The following SMYD3 variants were observed in gnomAD, a reference collection of about 807,000 sequenced individuals.
SMYD3 encodes the protein SET and MYND domain containing 3, also known as histone-lysine N-methyltransferase SMYD3.
SMYD3 carries 36 observed loss-of-function variants against 57.7 expected under a neutral mutation model. That is an observed-to-expected ratio of 0.62 (90% confidence interval 0.48 to 0.82). The LOEUF (loss-of-function observed/expected upper bound fraction) is 0.82, where lower values mean the gene tolerates loss of function less well. SMYD3 is among the 40% of genes least tolerant of loss of function. The pLI is 0.00. For missense variants in SMYD3, 515 were observed against 538.8 expected (o/e 0.96, Z 0.44); for synonymous variants, 211 against 195.0 (o/e 1.08, Z -0.68).
intron 1 of SMYD3, among the ~76,000 whole-genome samples, chr1:246,357,245 T>C (rs1401393551): frequency 6.6e-6 from 1 of 152,166 alleles, no homozygotes; most frequent in Non-Finnish European, 1.5e-5. Flanking sequence ...AGGTCATAAG[T>C]ACCCTGCTGA....
rs546564307 is a variant in SMYD3, at chr1:246,358,392, A to C, written c.165-3298T>G. Among the ~76,000 whole-genome samples, 3 of 152,316 alleles carry C rather than the reference A, an allele frequency of 2.0e-5. No individual in the cohort carries two copies. The South Asian group carries it at 6.2e-4, about 32-fold the overall frequency. ...GGGATTTTATTATTCCACTGTCAGCACTAGATAGGTCATCAAGACAGAAAG... is the reference window on the plus strand; with the variant it reads ...GGGATTTTATTATTCCACTGTCAGCCCTAGATAGGTCATCAAGACAGAAAG... On this transcript the variant is annotated intron_variant, in intron 1 of 11. Transcript: ENST00000490107.
intron 5 of SMYD3, among the ~76,000 whole-genome samples, chr1:245,964,062 T>C (rs1208252582): frequency 6.6e-6 from 1 of 152,192 alleles, no homozygotes; most frequent in Non-Finnish European, 1.5e-5. Context: ...TGTAGGCGTC[T>C]GCTTCTGATG....
At chr1:246,314,720 G>A (rs959637345) in intron 5 of SMYD3, among the ~76,000 whole-genome samples, 1 of 152,212 alleles carries the variant, frequency 6.6e-6, no homozygotes, top group East Asian at 1.9e-4. Flanking sequence ...TGAGTTATCT[G>A]AAGGGAAGGC....
At chr1:245,763,933 T>C (rs1303730165) in intron 11 of SMYD3, 108 bp downstream of exon 11, 1 of 787,146 alleles carries the variant, frequency 1.3e-6, no homozygotes, top group Middle Eastern at 2.3e-4. Context: ...GGCATGCGTG[T>C]GTATGCGTGC....
At position 246,086,361 on chromosome 1, in the gene SMYD3, C is replaced by A. The variant is rs118045381; in HGVS notation, c.532-156424G>T. ...ACTGGTGTGACAGTTTTTGCGCCTG[C>A]CTAATAAATGTTTGTATCTGTGCAT... On this transcript the variant is annotated intron_variant, in intron 5 of 11. Coordinates refer to ENST00000490107, the MANE Select transcript of SMYD3 (RefSeq NM_001167740.2). Among the ~76,000 whole-genome samples, 717 of 152,182 alleles carry A rather than the reference C, an allele frequency of 4.7e-3. 13 individuals are homozygous for A. The East Asian group carries it at 0.052, about 11-fold the overall frequency.
intron 1 of SMYD3, among the ~76,000 whole-genome samples, chr1:246,506,795 A>G (rs1342435255): frequency 6.6e-6 from 1 of 151,452 alleles, no homozygotes. Flanking sequence ...TCCCATTTCC[A>G]CCGCAGCCCA....
intron 1 of SMYD3, among the ~76,000 whole-genome samples, chr1:246,373,012 G>T (rs1217699818): frequency 1.3e-5 from 2 of 151,584 alleles, no homozygotes; most frequent in African/African-American, 4.9e-5. Context: ...ACCCCTAAAG[G>T]TATTCTAATC....
chr1:246,502,210 C>T (rs1477718274), intron 1 of SMYD3, among the ~76,000 whole-genome samples: 1 of 151,902 alleles, frequency 6.6e-6, no homozygotes. Flanking sequence ...GTGATCACCA[C>T]TCACTGCAAC....
chr1:245,850,038 A>G (rs528253965), intron 10 of SMYD3, among the ~76,000 whole-genome samples: 31 of 152,058 alleles, frequency 2.0e-4, no homozygotes, highest in Non-Finnish European at 3.8e-4. Flanking sequence ...ATGGGTAGGA[A>G]TTATGTATAA....
intron 1 of SMYD3, among the ~76,000 whole-genome samples, chr1:246,374,373 A>G (rs1190135052): frequency 6.6e-6 from 1 of 152,196 alleles, no homozygotes; most frequent in African/African-American, 2.4e-5. Flanking sequence ...AAGGCCAAAA[A>G]TGTGTGTCGC....
At position 246,211,311 on chromosome 1, in the gene SMYD3, G is replaced by A. The variant is rs1323533639; in HGVS notation, c.531+115890C>T. 3.9e-5 allele frequency among the ~76,000 whole-genome samples: 6 copies of A among 152,206 alleles called. No individual in the cohort carries two copies. The East Asian group carries it at 7.7e-4, about 20-fold the overall frequency. On this transcript the variant is annotated intron_variant, in intron 5 of 11. Coordinates refer to ENST00000490107, the MANE Select transcript of SMYD3 (RefSeq NM_001167740.2). The stretch of plus-strand genomic sequence containing the variant: ...TGCTACCTCATGGGATATGAAAGTC[G>A]TTAGCATGAATTATCATTCTAAATG...
chr1:245,914,754 T>C (rs1046456831), intron 8 of SMYD3, among the ~76,000 whole-genome samples: 1 of 152,194 alleles, frequency 6.6e-6, no homozygotes, highest in African/African-American at 2.4e-5. Context: ...TGAATATTCA[T>C]GACATAAAGA....
At chr1:246,166,025 G>A (rs974100088) in intron 5 of SMYD3, among the ~76,000 whole-genome samples, 4 of 151,764 alleles carry the variant, frequency 2.6e-5, no homozygotes, top group African/African-American at 7.3e-5. Context: ...GGTCATCCTC[G>A]GTGACCCACA....
chr1:246,333,494 A>G (rs1383448569), intron 3 of SMYD3, among the ~76,000 whole-genome samples: 1 of 152,182 alleles, frequency 6.6e-6, no homozygotes, highest in African/African-American at 2.4e-5. Flanking sequence ...ATATTCGCAA[A>G]CTATGCAGCC....
At chr1:246,148,306 G>A (rs2061889086) in intron 5 of SMYD3, among the ~76,000 whole-genome samples, 1 of 152,108 alleles carries the variant, frequency 6.6e-6, no homozygotes, top group Non-Finnish European at 1.5e-5. Context: ...GAGCTTCAGA[G>A]ACCTGCAGAG....
intron 5 of SMYD3, among the ~76,000 whole-genome samples, chr1:246,018,590 C>A (rs532130044): frequency 6.6e-6 from 1 of 152,198 alleles, no homozygotes; most frequent in South Asian, 2.1e-4. Context: ...CCTATACACA[C>A]CTCATTGATT....
In SMYD3 at chr1:246,506,991, C is replaced by A. The variant is rs930028928; in HGVS notation, c.164+63G>T. The A allele has an allele frequency of 3.8e-5, 31 of 815,398 alleles. 1 individual carries two copies. In the South Asian group the frequency reaches 4.9e-4, roughly 13 times the overall value. 50.5% of individuals were successfully genotyped at this position (815,398 alleles called of 1,614,324 possible). ...CCCGCGGCTGCCGGCCGCCCGACGC[C>A]CCCCCCTCCCCAGCACCCCACACAG... On this transcript the variant is annotated intron_variant, in intron 1 of 11. Transcript: ENST00000490107.
At chr1:246,318,320 C>G (rs924868243) in intron 5 of SMYD3, among the ~76,000 whole-genome samples, 1 of 152,134 alleles carries the variant, frequency 6.6e-6, no homozygotes, top group African/African-American at 2.4e-5. Context: ...CTGCAGTGAG[C>G]TATGATCACA....
chr1:245,791,952 T>G (rs974167464), intron 10 of SMYD3, among the ~76,000 whole-genome samples: 3 of 146,138 alleles, frequency 2.1e-5, no homozygotes, highest in Non-Finnish European at 4.5e-5. Context: ...AATTTTAAAC[T>G]TGTGTGTGTG....
Sources: gnomAD v4.1 joint callset for allele counts (sites outside exome capture counted in the v4.1 genomes callset) on GRCh38, gnomAD v4.1.1 for gene constraint, MANE v1.5 for transcripts, NCBI Gene and HGNC (gene_info 2026-07-23, HGNC 2026-07-21) for gene names.